IMMP2L: variants seen among roughly 807,000 people sequenced by gnomAD.
The protein encoded by IMMP2L is mitochondrial inner membrane protease subunit 2.
Under a neutral mutation model 19.3 loss-of-function variants are expected in IMMP2L, and 18 were observed. That is an observed-to-expected ratio of 0.93 (90% CI 0.64 to 1.38). The LOEUF (loss-of-function observed/expected upper bound fraction) is 1.38, where lower values mean the gene tolerates loss of function less well. IMMP2L is among the 40% of genes most tolerant of loss of function. The pLI is 0.00. For synonymous variants in IMMP2L, 76 were observed against 73.0 expected, an observed-to-expected ratio of 1.04 and a Z score of -0.21; for missense variants, 233 against 218.2, an observed-to-expected ratio of 1.07 and a Z score of -0.43.
At chr7:111,125,635 T>C (rs1004783758) in intron 3 of IMMP2L, among the ~76,000 whole-genome samples, 2 of 152,110 alleles carry the variant, frequency 1.3e-5, no homozygotes, top group Non-Finnish European at 2.9e-5. Flanking sequence ...AATCATAATT[T>C]GTATTTAACC....
At chr7:110,873,248 T>A (rs113671066) in intron 5 of IMMP2L, among the ~76,000 whole-genome samples, 5,891 of 149,416 alleles carry the variant, frequency 0.039, 376 homozygotes, top group African/African-American at 0.13. Flanking sequence ...AGTGAAACCG[T>A]TTCTGTACTA....
At chr7:111,456,350 C>T (rs1180336722) in intron 3 of IMMP2L, among the ~76,000 whole-genome samples, 1 of 151,904 alleles carries the variant, frequency 6.6e-6, no homozygotes, top group East Asian at 1.9e-4. Flanking sequence ...AAATTATATT[C>T]TTCCTTTTTG....
chr7:110,982,738 A>T (rs1412759510), intron 3 of IMMP2L, among the ~76,000 whole-genome samples: 10 of 152,146 alleles, frequency 6.6e-5, no homozygotes, highest in African/African-American at 2.4e-4. Context: ...GGTTTTCTTG[A>T]TTATCAGAAA....
chr7:110,917,703 G>A (rs1813772022), intron 4 of IMMP2L, among the ~76,000 whole-genome samples: 2 of 152,162 alleles, frequency 1.3e-5, no homozygotes, highest in Admixed American at 1.3e-4. Flanking sequence ...AAACAAGGTG[G>A]ACGGGTCTCT....
At chr7:111,502,982 G>C (rs547730208) in intron 2 of IMMP2L, among the ~76,000 whole-genome samples, 4,096 of 150,876 alleles carry the variant, frequency 0.027, 178 homozygotes, top group African/African-American at 0.092. Context: ...GAGCAGAACT[G>C]AAGGAAATAG....
At chr7:111,178,404 G>A (rs1457839387) in intron 3 of IMMP2L, among the ~76,000 whole-genome samples, 2 of 152,028 alleles carry the variant, frequency 1.3e-5, no homozygotes, top group African/African-American at 4.8e-5. Flanking sequence ...ACTAATCACG[G>A]TGATGGATGC....
intron 3 of IMMP2L, among the ~76,000 whole-genome samples, chr7:111,230,428 A>C (rs1813589123): frequency 6.6e-6 from 1 of 152,094 alleles, no homozygotes; most frequent in Non-Finnish European, 1.5e-5. Flanking sequence ...AAGTGCAACA[A>C]GATGAAATAC....
intron 5 of IMMP2L, among the ~76,000 whole-genome samples, chr7:110,836,192 G>A (rs899271791): frequency 6.6e-6 from 1 of 152,140 alleles, no homozygotes; most frequent in African/African-American, 2.4e-5. Flanking sequence ...ACTGGTTCCT[G>A]TATTCCCGCT....
intron 3 of IMMP2L, among the ~76,000 whole-genome samples, chr7:111,239,477 G>A (rs1048265712): frequency 2.0e-5 from 3 of 151,678 alleles, no homozygotes. Context: ...ACACCTCCTT[G>A]GTTCAATCTA....
chr7:111,203,573 T>G (rs1810384858), intron 3 of IMMP2L, among the ~76,000 whole-genome samples: 1 of 150,236 alleles, frequency 6.7e-6, no homozygotes, highest in Non-Finnish European at 1.5e-5. Context: ...CTGGTTCTTT[T>G]TTTTTTTTTT....
intron 3 of IMMP2L, among the ~76,000 whole-genome samples, chr7:111,063,850 C>T (rs1183586850): frequency 6.6e-6 from 1 of 152,198 alleles, no homozygotes; most frequent in Non-Finnish European, 1.5e-5. Flanking sequence ...TTTCATATCA[C>T]TATCAGGATT....
At chr7:111,166,632 C>T (rs1805852471) in intron 3 of IMMP2L, among the ~76,000 whole-genome samples, 1 of 151,902 alleles carries the variant, frequency 6.6e-6, no homozygotes, top group African/African-American at 2.4e-5. Flanking sequence ...AACTGGGCGG[C>T]TTCCAAGAGA....
chr7:111,412,597 T>C (rs1834534392), intron 3 of IMMP2L, among the ~76,000 whole-genome samples: 1 of 151,780 alleles, frequency 6.6e-6, no homozygotes, highest in South Asian at 2.1e-4. Context: ...AAACATAATA[T>C]ACCAAAATTT....
chr7:110,697,614 A>G (rs1166625754), intron 5 of IMMP2L, among the ~76,000 whole-genome samples: 1 of 152,058 alleles, frequency 6.6e-6, no homozygotes, highest in Non-Finnish European at 1.5e-5. Flanking sequence ...ACCAGCCTGC[A>G]CAACATAGTG....
intron 4 of IMMP2L, among the ~76,000 whole-genome samples, chr7:110,933,991 C>T (rs984323624): frequency 6.6e-6 from 1 of 152,032 alleles, no homozygotes; most frequent in African/African-American, 2.4e-5. Flanking sequence ...CTATAAATTT[C>T]CCTCTAAACA....
intron 5 of IMMP2L, among the ~76,000 whole-genome samples, chr7:110,735,697 C>T (rs1167316258): frequency 6.8e-6 from 1 of 146,122 alleles, no homozygotes; most frequent in Non-Finnish European, 1.5e-5. Flanking sequence ...CACACACACA[C>T]ACACACACAC....
chr7:111,053,877 A>T (rs900181426), intron 3 of IMMP2L, among the ~76,000 whole-genome samples: 1 of 152,206 alleles, frequency 6.6e-6, no homozygotes, highest in African/African-American at 2.4e-5. Flanking sequence ...CCATATTGCT[A>T]AACAAATTAA....
chr7:111,433,285 T>G (rs1836821239), intron 3 of IMMP2L, among the ~76,000 whole-genome samples: 1 of 151,820 alleles, frequency 6.6e-6, no homozygotes, highest in South Asian at 2.1e-4. Context: ...GTTTTCACAC[T>G]GCTGATAAAG....
chr7:111,258,525 GA>G lies in IMMP2L; in HGVS notation c.239+228712del, dbSNP rs1816968951. Among the ~76,000 whole-genome samples, 2 of 151,168 alleles carry G rather than the reference GA, an allele frequency of 1.3e-5. 1 individual carries two copies. The highest frequency in any genetic ancestry group is 4.2e-4 in the South Asian group (2 of 4,814). On this transcript the variant is annotated intron_variant, in intron 3 of 5. Coordinates refer to ENST00000405709, the MANE Select transcript of IMMP2L (RefSeq NM_032549.4). ...TTAATTTTACTTTTTTTATTTTTTT[GA>G]AAAAGAATCTTGCTCTGTCGCCCAG...
Sources: gnomAD v4.1 joint callset for allele counts (sites outside exome capture counted in the v4.1 genomes callset) on GRCh38, gnomAD v4.1.1 for gene constraint, MANE v1.5 for transcripts, NCBI Gene and HGNC (gene_info 2026-07-23, HGNC 2026-07-21) for gene names.